SH3RF1: variants seen among roughly 807,000 people sequenced by gnomAD.
The protein encoded by SH3RF1 is SH3 domain containing ring finger 1.
A neutral mutation model predicts 74.0 loss-of-function variants in SH3RF1; 32 were observed. The observed-to-expected ratio is 0.43, with a 90% CI of 0.33 to 0.58. The LOEUF is 0.58. SH3RF1 is among the 20% of genes least tolerant of loss of function. The pLI is 0.05. For missense variants in SH3RF1, 954 were observed against 1,130.9 expected, an observed-to-expected ratio of 0.84 and a Z score of 2.24; for synonymous variants, 396 against 439.6, an observed-to-expected ratio of 0.90 and a Z score of 1.24.
At chr4:169,099,844 G>A (rs1473883069) in intron 11 of SH3RF1, among the ~76,000 whole-genome samples, 3 of 151,468 alleles carry the variant, frequency 2.0e-5, no homozygotes, top group Non-Finnish European at 2.9e-5. Context: ...ATAAACCTCT[G>A]GGGGGGCGGG....
At chr4:169,199,868 AG>A (rs1330272094) in intron 2 of SH3RF1, among the ~76,000 whole-genome samples, 2 of 152,204 alleles carry the variant, frequency 1.3e-5, no homozygotes, top group Admixed American at 1.3e-4. Flanking sequence ...TTAATCTACC[AG>A]TTAAAAATTA....
At chr4:169,142,816 C>T (rs968884155) in intron 4 of SH3RF1, among the ~76,000 whole-genome samples, 2 of 152,170 alleles carry the variant, frequency 1.3e-5, no homozygotes, top group African/African-American at 4.8e-5. Flanking sequence ...AATATTTTGC[C>T]TCACATTATA....
At chr4:169,262,746 C>T (rs962583296) in intron 2 of SH3RF1, among the ~76,000 whole-genome samples, 1 of 152,140 alleles carries the variant, frequency 6.6e-6, no homozygotes, top group African/African-American at 2.4e-5. Flanking sequence ...TTACATGACA[C>T]TTTATGTGAT....
chr4:169,236,475 AC>A (rs1730825678), intron 2 of SH3RF1, among the ~76,000 whole-genome samples: 1 of 152,220 alleles, frequency 6.6e-6, no homozygotes, highest in East Asian at 1.9e-4. Context: ...GTTGTTTCTT[AC>A]TATTCCATAA....
At chr4:169,201,983 G>A (rs1734917103) in intron 2 of SH3RF1, 2 of 152,140 alleles carry the variant, frequency 1.3e-5, no homozygotes, top group South Asian at 4.1e-4. Context: ...GGAGTCTTTG[G>A]ACACAGTATC....
chr4:169,116,906 A>T (rs1367317846), intron 9 of SH3RF1, among the ~76,000 whole-genome samples: 3 of 152,158 alleles, frequency 2.0e-5, no homozygotes, highest in Non-Finnish European at 4.4e-5. Context: ...GCCTCTCCAC[A>T]GTGTTAGAGA....
At chr4:169,257,486 C>T (rs1731209767) in intron 2 of SH3RF1, among the ~76,000 whole-genome samples, 1 of 152,158 alleles carries the variant, frequency 6.6e-6, no homozygotes, top group African/African-American at 2.4e-5. Context: ...ACGACATGGT[C>T]GCTCTGTCTA....
intron 2 of SH3RF1, among the ~76,000 whole-genome samples, chr4:169,220,641 G>C (rs1210948494): frequency 6.6e-6 from 1 of 152,174 alleles, no homozygotes; most frequent in Non-Finnish European, 1.5e-5. Flanking sequence ...TGGGCACCCA[G>C]CTCCAATGGG....
intron 2 of SH3RF1, among the ~76,000 whole-genome samples, chr4:169,184,425 T>C (rs1734570540): frequency 6.6e-6 from 1 of 152,248 alleles, no homozygotes; most frequent in Non-Finnish European, 1.5e-5. Context: ...ACATGGGCTG[T>C]GAAGTCAGTC....
chr4:169,149,666 C>T (rs1277638408), intron 4 of SH3RF1, among the ~76,000 whole-genome samples: 2 of 152,170 alleles, frequency 1.3e-5, no homozygotes, highest in Non-Finnish European at 2.9e-5. Flanking sequence ...CTCTTCCCAA[C>T]TTACCCACAA....
chr4:169,181,809 C>A (rs1453783181), intron 2 of SH3RF1, among the ~76,000 whole-genome samples: 1 of 152,186 alleles, frequency 6.6e-6, no homozygotes, highest in Non-Finnish European at 1.5e-5. Flanking sequence ...AGAGTGGATA[C>A]TGGCCTGACA....
chr4:169,159,532 C>T lies in SH3RF1; in HGVS notation c.394-2853G>A, dbSNP rs1435064572. 2.0e-5 allele frequency among the ~76,000 whole-genome samples: 3 copies of T among 152,198 alleles called. 1 individual carries two copies. Among genetic ancestry groups the T allele is most frequent in the Admixed American group, 1.3e-4 (2 of 15,280 alleles). The stretch of plus-strand genomic sequence containing the variant: ...GATTGCAGGGTGTGAATCCCATTTA[C>T]TAGCTCTGTGATTTGGGGCAGGTTA... On this transcript the variant is annotated intron_variant, in intron 2 of 11. Transcript: ENST00000284637.
intron 2 of SH3RF1, among the ~76,000 whole-genome samples, chr4:169,189,795 G>C (rs1265293670): frequency 1.3e-5 from 2 of 152,220 alleles, no homozygotes; most frequent in South Asian, 2.1e-4. Context: ...GGGAGATCAA[G>C]TATGAAAAGC....
At position 169,239,271 on chromosome 4, in the gene SH3RF1, T is replaced by C. The variant is rs531046439; in HGVS notation, c.393+29549A>G. Among the ~76,000 whole-genome samples, 5 of 152,260 alleles carry C rather than the reference T, an allele frequency of 3.3e-5. No homozygotes were observed. In the South Asian group the frequency reaches 1.0e-3, roughly 32 times the overall value. ...AAAAGGGGAATATTTTTGTAACCAT[T>C]GCATATCTCTATTAAAACATGAAAG... On this transcript the variant is annotated intron_variant, in intron 2 of 11. Coordinates refer to ENST00000284637, the MANE Select transcript of SH3RF1 (RefSeq NM_020870.4).
At chr4:169,160,122 C>T (rs1445792122) in intron 2 of SH3RF1, among the ~76,000 whole-genome samples, 1 of 152,152 alleles carries the variant, frequency 6.6e-6, no homozygotes, top group Non-Finnish European at 1.5e-5. Context: ...TTCCCTACCT[C>T]AATTAGCTCT....
chr4:169,131,404 A>T (rs10023601), intron 5 of SH3RF1, among the ~76,000 whole-genome samples: 60,268 of 151,874 alleles, frequency 0.4, 12,499 homozygotes, highest in African/African-American at 0.53. Flanking sequence ...TTAGACAGGG[A>T]CTCACTATGT....
At chr4:169,238,312 T>C (rs138996640) in intron 2 of SH3RF1, among the ~76,000 whole-genome samples, 161 of 152,316 alleles carry the variant, frequency 1.1e-3, no homozygotes, top group African/African-American at 2.6e-3. Flanking sequence ...CCAGGTGTCA[T>C]GGGCATGGAA....
chr4:169,184,243 T>C (rs558388922), intron 2 of SH3RF1, among the ~76,000 whole-genome samples: 1 of 152,350 alleles, frequency 6.6e-6, no homozygotes, highest in South Asian at 2.1e-4. Flanking sequence ...GAAGAAATTA[T>C]CTACTGACTG....
At chr4:169,187,993 G>A (rs1561047965) in intron 2 of SH3RF1, among the ~76,000 whole-genome samples, 1 of 152,124 alleles carries the variant, frequency 6.6e-6, no homozygotes, top group Non-Finnish European at 1.5e-5. Context: ...GCTGGGTGGT[G>A]AGAGGCAGAC....
Sources: allele counts gnomAD v4.1 joint callset (sites outside exome capture counted in the v4.1 genomes callset), GRCh38; gene constraint gnomAD v4.1.1; transcripts MANE v1.5; gene names NCBI Gene and HGNC (gene_info 2026-07-23, HGNC 2026-07-21).